MMP26: variants seen among roughly 807,000 people sequenced by gnomAD.
MMP26 encodes matrix metallopeptidase 26, also known as matrix metalloproteinase-26.
A neutral mutation model predicts 31.0 loss-of-function variants in MMP26; 33 were observed. That is an observed-to-expected ratio of 1.06 (90% confidence interval 0.81 to 1.42). MMP26 has a LOEUF of 1.42. MMP26 is among the 40% of genes most tolerant of loss of function. The pLI is 0.00. For missense variants in MMP26, 347 were observed against 316.1 expected, an observed-to-expected ratio of 1.10 and a Z score of -0.74; for synonymous variants, 122 against 114.9, an observed-to-expected ratio of 1.06 and a Z score of -0.40.
At chr11:4,811,994 G>A (rs754725739) in intron 2 of MMP26, among the ~76,000 whole-genome samples, 5 of 152,052 alleles carry the variant, frequency 3.3e-5, no homozygotes, top group Admixed American at 6.6e-5. Context: ...GCTGTTTGTC[G>A]AAGCCCAGTT....
intron 2 of MMP26, among the ~76,000 whole-genome samples, chr11:4,928,951 T>G (rs1202248747): frequency 2.0e-5 from 3 of 152,144 alleles, no homozygotes; most frequent in African/African-American, 7.2e-5. Flanking sequence ...GTAGCTAACT[T>G]TTTCCAGGTC....
intron 1 of MMP26, among the ~76,000 whole-genome samples, chr11:4,743,702 A>G (rs1007942761): frequency 7.2e-5 from 11 of 152,238 alleles, no homozygotes; most frequent in Admixed American, 7.2e-4. Context: ...ACTTCCAGGC[A>G]TATGACCCCA....
chr11:4,943,451 A>G (rs1038789509), intron 2 of MMP26: 3 of 455,816 alleles, frequency 6.6e-6, no homozygotes, highest in Non-Finnish European at 1.3e-5. Flanking sequence ...ATGGGGCTTA[A>G]TCATTTGTTA....
chr11:4,982,495 TAA>T (rs1846828754), intron 2 of MMP26, among the ~76,000 whole-genome samples: 1 of 152,168 alleles, frequency 6.6e-6, no homozygotes, highest in South Asian at 2.1e-4. Context: ...CTGGCAATTG[TAA>T]AGTCTCTAAA....
intron 5 of MMP26, 132 bp from the exon 6 acceptor site, chr11:4,991,239 C>A: frequency 1.8e-6 from 2 of 1,135,840 alleles, no homozygotes; most frequent in Non-Finnish European, 2.5e-6. Flanking sequence ...ATAGATAATG[C>A]CTTAGCTCTC....
intron 2 of MMP26, among the ~76,000 whole-genome samples, chr11:4,866,006 T>G (rs1365801383): frequency 6.6e-6 from 1 of 152,112 alleles, no homozygotes; most frequent in African/African-American, 2.4e-5. Flanking sequence ...TGGTTGAATA[T>G]TAAATGTATG....
At chr11:4,771,848 G>T (rs1327999939) in intron 2 of MMP26, among the ~76,000 whole-genome samples, 2 of 152,098 alleles carry the variant, frequency 1.3e-5, no homozygotes, top group African/African-American at 4.8e-5. Context: ...CATGTTATGT[G>T]GATCGATGAG....
intron 2 of MMP26, among the ~76,000 whole-genome samples, chr11:4,867,287 A>T (rs1850248674): frequency 1.3e-5 from 2 of 152,090 alleles, no homozygotes; most frequent in South Asian, 4.1e-4. Context: ...ATGAACAGAC[A>T]TGTCTCAAAA....
intron 2 of MMP26, chr11:4,913,223 C>T (rs1851018814): frequency 6.6e-6 from 1 of 152,160 alleles, no homozygotes; most frequent in African/African-American, 2.4e-5. Flanking sequence ...ACAGTGTTCT[C>T]ATGCCAAACA....
chr11:4,742,958 C>A (rs1034957005), intron 1 of MMP26, among the ~76,000 whole-genome samples: 1 of 152,148 alleles, frequency 6.6e-6, no homozygotes, highest in Non-Finnish European at 1.5e-5. Flanking sequence ...AATTTGCACT[C>A]TTTCATCTAT....
intron 2 of MMP26, among the ~76,000 whole-genome samples, chr11:4,770,980 A>G (rs4457736): frequency 0.042 from 6,367 of 152,240 alleles, 435 homozygotes; most frequent in African/African-American, 0.15. Flanking sequence ...CCCAGAAAAA[A>G]CAGTGGAAAA....
rs191922239 is a variant in MMP26, at chr11:4,879,523, A to C, written c.-144-108545A>C. On this transcript the variant is annotated intron_variant, in intron 2 of 7. Coordinates refer to ENST00000380390, the MANE Select transcript of MMP26 (RefSeq NM_021801.5). ...TCAAAATTTTGAGTACCATTTCTGA[A>C]ATAGGCTTGAGTACCATTTCTGCAA... is the stretch of plus-strand genomic sequence containing the variant. Among the ~76,000 whole-genome samples, 5 of 152,224 alleles carry C rather than the reference A, an allele frequency of 3.3e-5. No individual in the cohort carries two copies. The East Asian group carries it at 9.7e-4, about 29-fold the overall frequency.
At chr11:4,877,269 A>G (rs935103375) in intron 2 of MMP26, 1 of 152,226 alleles carries the variant, frequency 6.6e-6, no homozygotes, top group African/African-American at 2.4e-5. Flanking sequence ...AGACAGGCTC[A>G]AGGCTCTCAA....
chr11:4,743,292 A>G (rs538314189), intron 1 of MMP26, among the ~76,000 whole-genome samples: 14 of 152,074 alleles, frequency 9.2e-5, no homozygotes, highest in Middle Eastern at 3.4e-3. Context: ...GATGTTTGTT[A>G]CTCTATTTAA....
chr11:4,784,102 A>G (rs1208054717), intron 2 of MMP26, among the ~76,000 whole-genome samples: 1 of 152,246 alleles, frequency 6.6e-6, no homozygotes, highest in Non-Finnish European at 1.5e-5. Context: ...ATTCAGGAAC[A>G]GGATCAATTA....
At position 4,705,036 on chromosome 11, in the gene MMP26, T is replaced by C. The variant is rs576518189; in HGVS notation, c.-226T>C. On this transcript the variant is annotated 5_prime_UTR_variant, in exon 1 of 8. Coordinates refer to ENST00000380390, the MANE Select transcript of MMP26 (RefSeq NM_021801.5). The stretch of plus-strand genomic sequence containing the variant: ...CCTCACCTTCCAGACCCAAGAATTC[T>C]GTGCACAAGGTCAGTGTTGTAGTGC... 1 of 152,352 alleles carries C rather than the reference T, an allele frequency of 6.6e-6. No homozygotes were observed. The highest frequency in any genetic ancestry group is 1.9e-4 in the East Asian group (1 of 5,184). 9.4% of individuals were successfully genotyped at this position (152,352 alleles called of 1,614,324 possible).
At chr11:4,974,532 T>G (rs913579644) in intron 2 of MMP26, among the ~76,000 whole-genome samples, 10 of 152,094 alleles carry the variant, frequency 6.6e-5, no homozygotes, top group African/African-American at 2.2e-4. Flanking sequence ...CTTTACAGAA[T>G]CATTCATCCT....
Position 4,923,401 on chromosome 11 carries a change from C to G in MMP26, c.-144-64667C>G, listed in dbSNP as rs773528289. 1.9e-6 allele frequency: 3 copies of G among 1,569,054 alleles called. No individual in the cohort carries two copies. In the Admixed American group the frequency reaches 5.4e-5, roughly 28 times the overall value. On this transcript the variant is annotated intron_variant, in intron 2 of 7. Transcript: ENST00000380390. ...AATCCTTCCAAAAACACCTAAGTGACTTTATAAACTGAAACTTCTTAATGA... is the reference window on the plus strand; with the variant it reads ...AATCCTTCCAAAAACACCTAAGTGAGTTTATAAACTGAAACTTCTTAATGA...
At chr11:4,966,722 G>C (rs1267658101) in intron 2 of MMP26, among the ~76,000 whole-genome samples, 2 of 152,088 alleles carry the variant, frequency 1.3e-5, no homozygotes, top group African/African-American at 4.8e-5. Context: ...TGTCTTATCT[G>C]TTACGATGTT....
Sources: allele counts gnomAD v4.1 joint callset (sites outside exome capture counted in the v4.1 genomes callset), GRCh38; gene constraint gnomAD v4.1.1; transcripts MANE v1.5; gene names NCBI Gene and HGNC (gene_info 2026-07-23, HGNC 2026-07-21).